Variants in SLC2A7 observed in about 807,000 individuals in gnomAD.
The protein encoded by SLC2A7 is solute carrier family 2 member 7, also known as solute carrier family 2, facilitated glucose transporter member 7.
SLC2A7 carries 50 observed loss-of-function variants against 50.5 expected under a neutral mutation model. The observed-to-expected ratio is 0.99, with a 90% CI of 0.79 to 1.25. The LOEUF (loss-of-function observed/expected upper bound fraction) is 1.25. Ranked by LOEUF, SLC2A7 falls within the 50% of genes most tolerant of loss-of-function variation. The pLI, the probability that SLC2A7 is intolerant of heterozygous loss-of-function variation, is 0.00. For missense variants in SLC2A7, 683 were observed against 679.1 expected (o/e 1.01, Z -0.06); for synonymous variants, 308 against 300.4 (o/e 1.03, Z -0.26).
At chr1:9,025,515 G>C (rs1444631643) in intron 1 of SLC2A7, among the ~76,000 whole-genome samples, 1 of 152,100 alleles carries the variant, frequency 6.6e-6, no homozygotes, top group Non-Finnish European at 1.5e-5. Flanking sequence ...TGAGGAATGA[G>C]AGACTGTGTT....
intron 9 of SLC2A7, among the ~76,000 whole-genome samples, chr1:9,009,664 T>G (rs10864378): frequency 6.6e-6 from 1 of 151,872 alleles, no homozygotes; most frequent in Non-Finnish European, 1.5e-5. Context: ...CACCATGTTG[T>G]TCAGACTGGT....
Position 9,022,578 on chromosome 1 carries a change from C to T in SLC2A7, c.311+340G>A, listed in dbSNP as rs551782590. Among the ~76,000 whole-genome samples the T allele has an allele frequency of 1.5e-3, 221 of 152,186 alleles. 1 individual carries two copies. The highest frequency in any genetic ancestry group is 5.0e-3 in the African/African-American group (208 of 41,510). ...ACTTGGAGCCATGGTCACCTGACCC[C>T]GGAATGAAACCTGATAAACGAGCAT... On this transcript the variant is annotated intron_variant, in intron 3 of 11. Transcript: ENST00000400906.
At chr1:9,005,539 C>G (rs1640641976) in intron 10 of SLC2A7, among the ~76,000 whole-genome samples, 1 of 152,098 alleles carries the variant, frequency 6.6e-6, no homozygotes. Flanking sequence ...CCCACCCCCG[C>G]TTAGGTGGTG....
At position 9,010,228 on chromosome 1, in the gene SLC2A7, C is replaced by T. The variant is rs1265865058; in HGVS notation, c.1031G>A (p.Arg344Gln). The change falls in exon 9 of 12, where the codon CGG becomes CAG. Residue 344 changes from arginine (R) to glutamine (Q), a missense_variant. Arg to Gln is a conservative substitution (Grantham distance 43). Coordinates refer to ENST00000400906, the MANE Select transcript of SLC2A7 (RefSeq NM_207420.3). ...MTITSAVLVE[R>Q]LGRRHLLLAG... ...CAGCAGGAGGTGCCGCCGTCCCAGC[C>T]GCTCCACAAGGACAGCCTGGAGGGG... The T allele has an allele frequency of 2.8e-5, 44 of 1,551,068 alleles. No individual in the cohort carries two copies. The highest frequency in any genetic ancestry group is 1.5e-5 in the Non-Finnish European group (17 of 1,146,956).
Position 9,015,210 on chromosome 1 carries a change from G to A in SLC2A7, c.622C>T (p.Pro208Ser), listed in dbSNP as rs145389137. ...AGGGTCAGCAGCTGCAGCAGGGCGG[G>A]CACCCCTGTGAGCGCCAGAAGCACC... is the stretch of plus-strand genomic sequence containing the variant. ...WPVLLALTGV[P>S]ALLQLLTLPF... is the part of the protein sequence containing the mutation. Residue 208 changes from proline to serine, a missense_variant, in exon 6 of 12, where the codon CCC (proline) becomes TCC (serine). Pro to Ser is a moderately conservative substitution (Grantham distance 74). Coordinates refer to ENST00000400906, the MANE Select transcript of SLC2A7 (RefSeq NM_207420.3). The A allele has an allele frequency of 2.4e-5, 39 of 1,606,608 alleles. No individual in the cohort carries two copies. The highest frequency in any genetic ancestry group is 3.2e-5 in the Non-Finnish European group (38 of 1,177,654).
At chr1:9,001,302 G>A (rs1299996394), downstream of SLC2A7, among the ~76,000 whole-genome samples, 1 of 152,050 alleles carries the variant, frequency 6.6e-6, no homozygotes, top group Non-Finnish European at 1.5e-5. Flanking sequence ...AAGTACTTGG[G>A]GTGGTGGCAG....
At position 9,018,383 on chromosome 1, in the gene SLC2A7, G is replaced by C. The variant is rs778038407; in HGVS notation, c.437-8C>G. On this transcript the variant is annotated splice_region_variant and splice_polypyrimidine_tract_variant and intron_variant, in intron 4 of 11. Coordinates refer to ENST00000400906, the MANE Select transcript of SLC2A7 (RefSeq NM_207420.3). Reference sequence around the variant, plus strand: ...GGGCGCTGTAGGAGATGCCTGGTTTGGGCACAGCAGAAATCAGGGCAGGCA... The same window carrying C: ...GGGCGCTGTAGGAGATGCCTGGTTTCGGCACAGCAGAAATCAGGGCAGGCA... 9 of 1,614,008 alleles carry C rather than the reference G, an allele frequency of 5.6e-6. No individual in the cohort carries two copies. Among genetic ancestry groups the C allele is most frequent in the Non-Finnish European group, 7.6e-6 (9 of 1,179,936 alleles).
intron 8 of SLC2A7, among the ~76,000 whole-genome samples, 200 bp downstream of exon 8, chr1:9,013,325 C>T (rs1375516042): frequency 1.3e-5 from 2 of 152,160 alleles, no homozygotes; most frequent in Admixed American, 1.3e-4. Context: ...CCGCCGCGCC[C>T]GGCCGGCTCT....
At chr1:9,014,914 G>C (rs1389845533) in intron 6 of SLC2A7, 46 bp from the exon 7 acceptor site, 12 of 1,535,036 alleles carry the variant, frequency 7.8e-6, no homozygotes, top group Admixed American at 2.0e-5. Context: ...CTCCCTGCAG[G>C]CTGGGCCCCA....
At position 9,008,379 on chromosome 1, in the gene SLC2A7, C is replaced by T. The variant is rs1405209698; in HGVS notation, c.1117-994G>A. Reference sequence around the variant, plus strand: ...TTCAACACTTCAAGCAAAAGCGAGGCTGGCTGGGTTGGTGGGGCCGCCCTG... The same window carrying T: ...TTCAACACTTCAAGCAAAAGCGAGGTTGGCTGGGTTGGTGGGGCCGCCCTG... On this transcript the variant is annotated intron_variant, in intron 9 of 11. Coordinates refer to ENST00000400906, the MANE Select transcript of SLC2A7 (RefSeq NM_207420.3). The surrounding 1 kb of genome is among the most constrained non-coding windows in gnomAD (Gnocchi z 5.9). Among the ~76,000 whole-genome samples the T allele has an allele frequency of 6.6e-6, 1 of 152,128 alleles. No individual in the cohort carries two copies. Among genetic ancestry groups the T allele is most frequent in the Non-Finnish European group, 1.5e-5 (1 of 68,038 alleles).
intron 3 of SLC2A7, 33 bp downstream of exon 3, chr1:9,022,885 A>C: frequency 1.2e-6 from 2 of 1,608,346 alleles, no homozygotes. Context: ...ACTAGCATGA[A>C]TTTTAAGTGG....
At chr1:9,010,947 C>T (rs904730509) in intron 8 of SLC2A7, among the ~76,000 whole-genome samples, 7 of 152,226 alleles carry the variant, frequency 4.6e-5, no homozygotes, top group African/African-American at 1.7e-4. Context: ...GTGAGTGCCT[C>T]TTTCATCTGC....
rs755299921 is a variant in SLC2A7, at chr1:9,019,346, T to G, written c.312-13A>C. ...CAGGGTCCCCTTTCTGCAAAGACAG[T>G]GAGCCCAGAGGGCAGGGGTGCGTGG... On this transcript the variant is annotated splice_polypyrimidine_tract_variant and intron_variant, in intron 3 of 11. Transcript: ENST00000400906. The G allele has an allele frequency of 3.7e-6, 6 of 1,613,406 alleles. No individual in the cohort carries two copies. Among genetic ancestry groups the G allele is most frequent in the Non-Finnish European group, 5.1e-6 (6 of 1,179,688 alleles).
At chr1:9,006,073 C>T (rs17033013) in intron 10 of SLC2A7, among the ~76,000 whole-genome samples, 19,685 of 152,148 alleles carry the variant, frequency 0.13, 1,325 homozygotes, top group East Asian at 0.2. Context: ...TCGCGTCTGC[C>T]GGCACACCTG....
intron 8 of SLC2A7, among the ~76,000 whole-genome samples, chr1:9,010,586 G>A (rs1640733072): frequency 1.3e-5 from 2 of 151,996 alleles, no homozygotes. Context: ...TCGAACTCCT[G>A]GCCTCAAGTG....
At chr1:9,013,405 C>T (rs1025938217) in intron 8 of SLC2A7, 120 bp downstream of exon 8, 59 of 717,726 alleles carry the variant, frequency 8.2e-5, no homozygotes, top group Admixed American at 3.4e-4. Context: ...AAGTCCATGT[C>T]CCTTAAATGA....
chr1:8,997,116 G>A, the SLC2A7 span, among the ~76,000 whole-genome samples: 17 of 152,028 alleles, frequency 1.1e-4, no homozygotes, highest in African/African-American at 3.4e-4. Context: ...TTACCATCAC[G>A]TATCTTCTTT....
At chr1:9,021,564 C>T (rs185235269) in intron 3 of SLC2A7, among the ~76,000 whole-genome samples, 61 of 152,232 alleles carry the variant, frequency 4.0e-4, no homozygotes, top group Admixed American at 8.5e-4. Context: ...TATCCCAGGT[C>T]GGCAACACTG....
rs747814039 is a variant in SLC2A7 at position 9,019,334 on chromosome 1, C to A, written c.312-1G>T. On this transcript the variant is annotated splice_acceptor_variant, in intron 3 of 11. Transcript: ENST00000400906. LOFTEE classifies it high-confidence loss of function. Reference sequence around the variant, plus strand: ...GTTGTTGATCAGCAGGGTCCCCTTTCTGCAAAGACAGTGAGCCCAGAGGGC... The same window carrying A: ...GTTGTTGATCAGCAGGGTCCCCTTTATGCAAAGACAGTGAGCCCAGAGGGC... 7.6e-5 allele frequency: 123 copies of A among 1,613,896 alleles called. No homozygotes were observed. The Middle Eastern group carries it at 1.5e-3, about 19-fold the overall frequency.
Sources: allele counts gnomAD v4.1 joint callset (sites outside exome capture counted in the v4.1 genomes callset), GRCh38; gene constraint gnomAD v4.1.1; non-coding constraint Gnocchi (gnomAD v3.1); transcripts MANE v1.5; gene names NCBI Gene and HGNC (gene_info 2026-07-23, HGNC 2026-07-21).